Variants in COL25A1 observed in about 807,000 individuals in gnomAD.
The protein encoded by COL25A1 is collagen alpha-1(XXV) chain.
In COL25A1, 103 loss-of-function variants were observed where a neutral mutation model predicts 128.4. The observed-to-expected ratio is 0.80, with a 90% CI of 0.68 to 0.94. The LOEUF (loss-of-function observed/expected upper bound fraction) is 0.94, where lower values mean the gene tolerates loss of function less well. Ranked by LOEUF, COL25A1 falls within the 40% of genes least tolerant of loss-of-function variation. The pLI is 0.00. For missense variants in COL25A1, 745 were observed against 840.0 expected, an observed-to-expected ratio of 0.89 and a Z score of 1.40; for synonymous variants, 279 against 277.2, an observed-to-expected ratio of 1.01 and a Z score of -0.06.
intron 31 of COL25A1, among the ~76,000 whole-genome samples, chr4:108,841,370 A>T (rs1283697865): frequency 6.6e-6 from 1 of 152,198 alleles, no homozygotes; most frequent in African/African-American, 2.4e-5. Context: ...ACACCATTAA[A>T]AAAAAGCATC....
At chr4:109,044,543 T>C (rs1760237559) in intron 5 of COL25A1, among the ~76,000 whole-genome samples, 1 of 152,158 alleles carries the variant, frequency 6.6e-6, no homozygotes, top group South Asian at 2.1e-4. Context: ...TGAAAGTGAA[T>C]GACAGCAAAA....
At position 109,186,293 on chromosome 4, in the gene COL25A1, ACTT is replaced by A. The variant is rs1234628362; in HGVS notation, c.367+114287_367+114289del. Among the ~76,000 whole-genome samples the A allele has an allele frequency of 4.6e-5, 7 of 152,232 alleles. No individual in the cohort carries two copies. The East Asian group carries it at 1.2e-3, about 25-fold the overall frequency. ...AATATCCTATCTGCATGAAAACAAA[ACTT>A]CTTCTAATCTTTCTTTCTCATCTTT... On this transcript the variant is annotated intron_variant, in intron 3 of 37. Coordinates refer to ENST00000399132, the MANE Select transcript of COL25A1 (RefSeq NM_198721.4).
At chr4:109,012,989 A>G (rs1446007504) in intron 5 of COL25A1, among the ~76,000 whole-genome samples, 1 of 152,216 alleles carries the variant, frequency 6.6e-6, no homozygotes, top group Non-Finnish European at 1.5e-5. Flanking sequence ...TTGTATATGC[A>G]CCAATCAGCA....
At chr4:109,084,952 C>G (rs533982190) in intron 3 of COL25A1, among the ~76,000 whole-genome samples, 1 of 152,180 alleles carries the variant, frequency 6.6e-6, no homozygotes, top group Non-Finnish European at 1.5e-5. Context: ...TCCAACAGAG[C>G]CCTCTCAAAA....
At chr4:108,886,034 T>G (rs374096066) in intron 18 of COL25A1, among the ~76,000 whole-genome samples, 14 of 152,252 alleles carry the variant, frequency 9.2e-5, no homozygotes, top group Non-Finnish European at 2.1e-4. Context: ...TATTTTATAA[T>G]GTAGATTGAC....
chr4:109,193,271 G>A (rs181611655), intron 3 of COL25A1, among the ~76,000 whole-genome samples: 26 of 151,970 alleles, frequency 1.7e-4, no homozygotes, highest in African/African-American at 5.3e-4. Flanking sequence ...AGAAGAAGCT[G>A]GTTTAAGAAA....
intron 3 of COL25A1, among the ~76,000 whole-genome samples, chr4:109,199,721 C>T (rs1387241412): frequency 6.6e-6 from 1 of 152,088 alleles, no homozygotes; most frequent in Non-Finnish European, 1.5e-5. Flanking sequence ...TTTCCCTAGC[C>T]CTTGGAAGCC....
At chr4:108,969,781 C>G (rs1157319903) in intron 8 of COL25A1, among the ~76,000 whole-genome samples, 1 of 152,192 alleles carries the variant, frequency 6.6e-6, no homozygotes, top group African/African-American at 2.4e-5. Flanking sequence ...ATTGTCTGTA[C>G]AGCCTAGATT....
At chr4:108,868,868 G>A (rs1043518274) in intron 20 of COL25A1, among the ~76,000 whole-genome samples, 3 of 138,578 alleles carry the variant, frequency 2.2e-5, no homozygotes, top group Non-Finnish European at 4.6e-5. Context: ...AAGGAAGGAA[G>A]AGAGAGAGAG....
At chr4:109,260,463 C>T (rs1236260458) in intron 3 of COL25A1, among the ~76,000 whole-genome samples, 1 of 151,934 alleles carries the variant, frequency 6.6e-6, no homozygotes, top group Non-Finnish European at 1.5e-5. Flanking sequence ...TGAAAGTATA[C>T]TGTTTGTTTG....
intron 11 of COL25A1, among the ~76,000 whole-genome samples, chr4:108,935,029 G>A (rs912124314): frequency 3.3e-5 from 5 of 152,156 alleles, no homozygotes; most frequent in African/African-American, 1.2e-4. Flanking sequence ...ATGAGAAATT[G>A]AGAGGTTAAG....
chr4:108,834,794 C>T (rs915718540), intron 31 of COL25A1, among the ~76,000 whole-genome samples: 3 of 152,076 alleles, frequency 2.0e-5, no homozygotes, highest in Non-Finnish European at 4.4e-5. Context: ...CCTAAAAAAG[C>T]GCTCATTATA....
At chr4:108,817,551 G>T in intron 36 of COL25A1, 116 bp from the exon 37 acceptor site, 1 of 841,648 alleles carries the variant, frequency 1.2e-6, no homozygotes, top group Non-Finnish European at 1.8e-6. Flanking sequence ...CTTTGGTCAT[G>T]GGCATCTTTT....
chr4:109,203,849 C>T (rs1227686671), intron 3 of COL25A1, among the ~76,000 whole-genome samples: 5 of 151,916 alleles, frequency 3.3e-5, no homozygotes, highest in African/African-American at 1.2e-4. Context: ...GTTCAATAAA[C>T]ATCAGTGAAT....
chr4:108,920,466 C>T (rs1745368623), intron 12 of COL25A1, 112 bp downstream of exon 12: 3 of 671,410 alleles, frequency 4.5e-6, no homozygotes, highest in Non-Finnish European at 7.3e-6. Flanking sequence ...ATACACAAAC[C>T]AGACTAACTG....
chr4:109,267,442 A>C (rs1041587266), intron 3 of COL25A1, among the ~76,000 whole-genome samples: 1 of 152,222 alleles, frequency 6.6e-6, no homozygotes, highest in Admixed American at 6.5e-5. Context: ...CTAAAAAAGA[A>C]AAACAAACCA....
intron 6 of COL25A1, among the ~76,000 whole-genome samples, chr4:109,009,626 T>A (rs1295000389): frequency 6.6e-6 from 1 of 152,174 alleles, no homozygotes. Flanking sequence ...AGTAAATAAT[T>A]ATATTATTTA....
intron 3 of COL25A1, among the ~76,000 whole-genome samples, chr4:109,143,317 T>G (rs890383019): frequency 2.0e-5 from 3 of 152,210 alleles, no homozygotes; most frequent in Admixed American, 6.5e-5. Flanking sequence ...ACCTGACCTT[T>G]CTTTCTGGCT....
chr4:108,841,876 C>G (rs1560731076), intron 30 of COL25A1, among the ~76,000 whole-genome samples, 155 bp from the exon 31 acceptor site: 1 of 152,074 alleles, frequency 6.6e-6, no homozygotes, highest in Non-Finnish European at 1.5e-5. Context: ...TTATTACCCA[C>G]CAAAAGTTCC....
Sources: gnomAD v4.1 joint callset for allele counts (sites outside exome capture counted in the v4.1 genomes callset) on GRCh38, gnomAD v4.1.1 for gene constraint, MANE v1.5 for transcripts, NCBI Gene and HGNC (gene_info 2026-07-23, HGNC 2026-07-21) for gene names.